Variants in CRYL1 observed in about 807,000 individuals in gnomAD.
CRYL1 encodes the protein lambda-crystallin homolog.
A neutral mutation model predicts 36.6 loss-of-function variants in CRYL1; 29 were observed. The observed-to-expected ratio is 0.79, with a 90% CI of 0.59 to 1.08. The LOEUF is 1.08. Among genes scored for constraint, CRYL1 ranks in the 50% least tolerant of loss-of-function variants. The pLI is 0.00. For synonymous variants in CRYL1, 152 were observed against 151.5 expected, an observed-to-expected ratio of 1.00 and a Z score of -0.02; for missense variants, 411 against 407.9, an observed-to-expected ratio of 1.01 and a Z score of -0.06.
intron 5 of CRYL1, chr13:20,427,385 G>T: frequency 2.3e-6 from 2 of 871,610 alleles, no homozygotes; most frequent in Non-Finnish European, 2.8e-6. Context: ...GGCTATCCGG[G>T]TGTCCATTCT....
intron 5 of CRYL1, among the ~76,000 whole-genome samples, chr13:20,417,975 T>C (rs2031711676): frequency 6.6e-6 from 1 of 152,204 alleles, no homozygotes; most frequent in South Asian, 2.1e-4. Flanking sequence ...TTGGCTCATG[T>C]GACTGTGGGC....
At chr13:20,489,610 C>T (rs1593481459) in intron 2 of CRYL1, 114 bp from the exon 3 acceptor site, 1 of 1,215,734 alleles carries the variant, frequency 8.2e-7, no homozygotes, top group Non-Finnish European at 1.2e-6. Flanking sequence ...CAGTGAGATA[C>T]CACCTCACAC....
intron 3 of CRYL1, among the ~76,000 whole-genome samples, chr13:20,469,007 G>A (rs535211375): frequency 1.3e-5 from 2 of 152,240 alleles, no homozygotes; most frequent in Admixed American, 6.5e-5. Flanking sequence ...GGAGAGTGTC[G>A]ACGTCAAGCT....
chr13:20,429,654 C>T (rs893089622), intron 5 of CRYL1, among the ~76,000 whole-genome samples: 1 of 152,178 alleles, frequency 6.6e-6, no homozygotes. Flanking sequence ...AGACGAGGCA[C>T]GGTTCTGCCG....
chr13:20,489,647 C>T (rs2033470908), intron 2 of CRYL1, 151 bp from the exon 3 acceptor site: 4 of 904,816 alleles, frequency 4.4e-6, no homozygotes, highest in Admixed American at 2.7e-5. Context: ...AAAATAGAAA[C>T]TAGCAATTGT....
At chr13:20,417,664 CTCCT>C (rs1459233107) in intron 5 of CRYL1, among the ~76,000 whole-genome samples, 1 of 152,186 alleles carries the variant, frequency 6.6e-6, no homozygotes, top group East Asian at 1.9e-4. Context: ...TATTGAAAAA[CTCCT>C]TGCTTCTGCT....
At chr13:20,437,317 T>A (rs1306013412) in intron 4 of CRYL1, among the ~76,000 whole-genome samples, 2 of 151,764 alleles carry the variant, frequency 1.3e-5, no homozygotes, top group South Asian at 2.1e-4. Flanking sequence ...TAATTTTTTT[T>A]TTTTTTTTGA....
At chr13:20,444,757 C>A (rs762854187) in intron 3 of CRYL1, among the ~76,000 whole-genome samples, 3 of 152,204 alleles carry the variant, frequency 2.0e-5, no homozygotes, top group Non-Finnish European at 4.4e-5. Context: ...TGCTCTATCA[C>A]CCAGGCTGGA....
intron 5 of CRYL1, among the ~76,000 whole-genome samples, chr13:20,420,700 G>GTTTTTTTTTTT (rs5802072): frequency 0.014 from 512 of 36,450 alleles, 132 homozygotes; most frequent in South Asian, 0.029. Context: ...TAAAATAGAG[G>GTTTTTTTTTTT]TTGTGTGTGT....
chr13:20,481,469 G>T lies in CRYL1; in HGVS notation c.276+7901C>A, dbSNP rs2033273700. Reference sequence around the variant, plus strand: ...AAATTAGCTGCAAAGGGAAGGAGAGGCTCTATGCTCTGAACCCCAGCTGTG... The same window carrying T: ...AAATTAGCTGCAAAGGGAAGGAGAGTCTCTATGCTCTGAACCCCAGCTGTG... On this transcript the variant is annotated intron_variant, in intron 3 of 7. Transcript: ENST00000298248. The surrounding 1 kb of genome is among the most constrained non-coding windows in gnomAD (Gnocchi z 4.1). 6.6e-6 allele frequency among the ~76,000 whole-genome samples: 1 copy of T among 152,112 alleles called. No homozygotes were observed. Among genetic ancestry groups the T allele is most frequent in the Non-Finnish European group, 1.5e-5 (1 of 68,030 alleles).
At chr13:20,468,557 G>A (rs898125680) in intron 3 of CRYL1, among the ~76,000 whole-genome samples, 3 of 152,208 alleles carry the variant, frequency 2.0e-5, no homozygotes, top group Admixed American at 1.3e-4. Context: ...CAGCTTCGAA[G>A]CCTTCTTTCT....
chr13:20,442,628 C>T (rs2032373100), intron 3 of CRYL1, among the ~76,000 whole-genome samples: 1 of 152,206 alleles, frequency 6.6e-6, no homozygotes, highest in Admixed American at 6.5e-5. Flanking sequence ...GCAACCCATG[C>T]ACTCTCAACT....
At chr13:20,498,134 T>C (rs889116766) in intron 2 of CRYL1, among the ~76,000 whole-genome samples, 6 of 136,336 alleles carry the variant, frequency 4.4e-5, no homozygotes, top group African/African-American at 1.4e-4. Flanking sequence ...ACACAGTACA[T>C]ACACACCACA....
At chr13:20,424,086 T>A (rs934897000) in intron 5 of CRYL1, among the ~76,000 whole-genome samples, 3 of 152,078 alleles carry the variant, frequency 2.0e-5, no homozygotes, top group African/African-American at 7.2e-5. Flanking sequence ...GGCTCTGATA[T>A]AGTTCTAGGG....
At chr13:20,430,622 T>G in intron 5 of CRYL1, 1 of 985,320 alleles carries the variant, frequency 1.0e-6, no homozygotes, top group Non-Finnish European at 1.2e-6. Context: ...GGAGAGTTCT[T>G]TGTGTACACC....
At chr13:20,502,094 A>T (rs1232547662) in intron 2 of CRYL1, among the ~76,000 whole-genome samples, 3 of 152,020 alleles carry the variant, frequency 2.0e-5, no homozygotes, top group African/African-American at 7.2e-5. Context: ...ATGTTTTAAA[A>T]ATCTGGCATG....
At chr13:20,473,975 G>A (rs1046809561) in intron 3 of CRYL1, among the ~76,000 whole-genome samples, 2 of 152,134 alleles carry the variant, frequency 1.3e-5, no homozygotes, top group African/African-American at 4.8e-5. Context: ...TCACCCACAT[G>A]GCTATTAATG....
intron 1 of CRYL1, among the ~76,000 whole-genome samples, chr13:20,519,881 A>C (rs1423565637): frequency 7.0e-6 from 1 of 142,306 alleles, no homozygotes; most frequent in African/African-American, 2.5e-5. Flanking sequence ...AAGATATTAC[A>C]TGAAGATATT....
At chr13:20,412,121 C>A (rs2031538361) in intron 6 of CRYL1, among the ~76,000 whole-genome samples, 1 of 152,112 alleles carries the variant, frequency 6.6e-6, no homozygotes, top group African/African-American at 2.4e-5. Flanking sequence ...ACCACATCCC[C>A]TTTTCAGCTT....
Sources: gnomAD v4.1 joint callset for allele counts (sites outside exome capture counted in the v4.1 genomes callset) on GRCh38, gnomAD v4.1.1 for gene constraint, Gnocchi (gnomAD v3.1) non-coding constraint, MANE v1.5 for transcripts, NCBI Gene and HGNC (gene_info 2026-07-23, HGNC 2026-07-21) for gene names.